Variants in KIFAP3 observed in about 807,000 individuals in gnomAD.
KIFAP3 encodes the protein kinesin-associated protein 3.
In KIFAP3, 68 loss-of-function variants were observed where a neutral mutation model predicts 106.5. The ratio of observed to expected loss-of-function variants is 0.64; its 90% confidence interval spans 0.53 to 0.78. The LOEUF is 0.78. KIFAP3 is among the 30% of genes least tolerant of loss of function. The pLI, the probability that KIFAP3 is intolerant of heterozygous loss-of-function variation, is 0.00. For synonymous variants in KIFAP3, 320 were observed against 311.5 expected (o/e 1.03, Z -0.29); for missense variants, 780 against 941.8 (o/e 0.83, Z 2.25).
intron 19 of KIFAP3, among the ~76,000 whole-genome samples, chr1:169,931,624 G>A (rs984163410): frequency 6.6e-6 from 1 of 152,158 alleles, no homozygotes; most frequent in South Asian, 2.1e-4. Context: ...CTTGCTGAGC[G>A]GCTTAAATAA....
At chr1:170,046,940 T>C in intron 2 of KIFAP3, 74 bp from the exon 3 acceptor site, 4 of 798,912 alleles carry the variant, frequency 5.0e-6, no homozygotes, top group South Asian at 3.9e-5. Flanking sequence ...TTTAAAATAA[T>C]TTATAGATTA....
chr1:170,044,899 T>C lies in KIFAP3; in HGVS notation c.319+1813A>G, dbSNP rs570288552. Among the ~76,000 whole-genome samples, 5 of 152,336 alleles carry C rather than the reference T, an allele frequency of 3.3e-5. No individual in the cohort carries two copies. In the South Asian group the frequency reaches 8.3e-4, roughly 25 times the overall value. ...TGAAGAGGAGTCAAGAAAACTTTTT[T>C]TTCTTTTGAGCTATTTATAGCTTAT... On this transcript the variant is annotated intron_variant, in intron 3 of 19. Coordinates refer to ENST00000361580, the MANE Select transcript of KIFAP3 (RefSeq NM_014970.4).
At chr1:169,998,147 T>C (rs906005799) in intron 10 of KIFAP3, among the ~76,000 whole-genome samples, 1 of 151,948 alleles carries the variant, frequency 6.6e-6, no homozygotes, top group African/African-American at 2.4e-5. Flanking sequence ...CAGAACTTAC[T>C]TTCACTCTTA....
intron 19 of KIFAP3, among the ~76,000 whole-genome samples, chr1:169,924,803 T>G (rs186034987): frequency 2.0e-5 from 3 of 152,198 alleles, no homozygotes; most frequent in South Asian, 2.1e-4. Context: ...CAGAAGCAGA[T>G]AGATTCTTCA....
chr1:169,945,332 A>G (rs1571537768), intron 19 of KIFAP3, among the ~76,000 whole-genome samples: 1 of 152,144 alleles, frequency 6.6e-6, no homozygotes, highest in Admixed American at 6.5e-5. Context: ...CAGGCCCCCA[A>G]GAGCACAGGG....
chr1:169,941,705 G>A (rs1465052090), intron 19 of KIFAP3, among the ~76,000 whole-genome samples: 2 of 152,014 alleles, frequency 1.3e-5, no homozygotes, highest in Non-Finnish European at 1.5e-5. Context: ...GGCCCCCTGA[G>A]GGTGAATTTC....
At chr1:169,923,991 C>CTT (rs11455002) in intron 19 of KIFAP3, among the ~76,000 whole-genome samples, 222 of 151,700 alleles carry the variant, frequency 1.5e-3, no homozygotes, top group African/African-American at 4.7e-3. Context: ...AATTCTCCCC[C>CTT]TTTTTTTTAT....
chr1:169,980,309 G>C (rs1003749392), intron 15 of KIFAP3, among the ~76,000 whole-genome samples: 1 of 152,092 alleles, frequency 6.6e-6, no homozygotes, highest in African/African-American at 2.4e-5. Flanking sequence ...CCTAGTACAA[G>C]ATGAACTGAG....
At chr1:170,051,772 A>C (rs1670587941) in intron 2 of KIFAP3, among the ~76,000 whole-genome samples, 1 of 152,228 alleles carries the variant, frequency 6.6e-6, no homozygotes, top group African/African-American at 2.4e-5. Context: ...TTAAGGCAGA[A>C]GTAAAGAAGT....
intron 19 of KIFAP3, among the ~76,000 whole-genome samples, chr1:169,926,694 C>G (rs1184614289): frequency 1.3e-5 from 2 of 151,932 alleles, no homozygotes; most frequent in African/African-American, 4.8e-5. Context: ...CACACACACA[C>G]ACACACACAC....
chr1:169,978,842 CA>C (rs1341956562), intron 15 of KIFAP3, among the ~76,000 whole-genome samples: 1 of 152,024 alleles, frequency 6.6e-6, no homozygotes, highest in Non-Finnish European at 1.5e-5. Context: ...AACAGAGTAT[CA>C]AACCAGTTGT....
At chr1:169,961,697 C>G (rs190632953) in intron 17 of KIFAP3, among the ~76,000 whole-genome samples, 1 of 152,066 alleles carries the variant, frequency 6.6e-6, no homozygotes, top group Non-Finnish European at 1.5e-5. Context: ...TCAGCCTACT[C>G]AATGTGAAGA....
intron 10 of KIFAP3, among the ~76,000 whole-genome samples, chr1:170,003,631 T>C (rs1378559034): frequency 6.6e-6 from 1 of 152,098 alleles, no homozygotes; most frequent in Non-Finnish European, 1.5e-5. Context: ...CCCCCAGAGG[T>C]GGAGCCTACA....
At chr1:169,950,706 C>T (rs551074478) in intron 19 of KIFAP3, among the ~76,000 whole-genome samples, 1 of 152,100 alleles carries the variant, frequency 6.6e-6, no homozygotes, top group East Asian at 1.9e-4. Flanking sequence ...AATTAACTTG[C>T]ATTTCTTGAA....
chr1:169,928,995 G>A (rs1189937360), intron 19 of KIFAP3, among the ~76,000 whole-genome samples: 1 of 152,064 alleles, frequency 6.6e-6, no homozygotes, highest in Admixed American at 6.6e-5. Context: ...GAAGAGATGT[G>A]CAGGTTGAAC....
At chr1:170,060,923 T>A (rs1323542192) in intron 1 of KIFAP3, among the ~76,000 whole-genome samples, 1 of 152,216 alleles carries the variant, frequency 6.6e-6, no homozygotes, top group Non-Finnish European at 1.5e-5. Flanking sequence ...GGATTCCCTA[T>A]TTAATAAATG....
chr1:169,965,621 T>C (rs1269605342), intron 17 of KIFAP3, among the ~76,000 whole-genome samples: 1 of 152,052 alleles, frequency 6.6e-6, no homozygotes, highest in Non-Finnish European at 1.5e-5. Flanking sequence ...TCACACCCTC[T>C]TTTAAGATTA....
intron 19 of KIFAP3, among the ~76,000 whole-genome samples, chr1:169,946,234 C>A (rs1664431919): frequency 8.6e-6 from 1 of 116,548 alleles, no homozygotes; most frequent in Non-Finnish European, 1.7e-5. Flanking sequence ...TGGATTTAAT[C>A]TGTAGAGAAT....
intron 19 of KIFAP3, among the ~76,000 whole-genome samples, chr1:169,953,595 A>G (rs1664843017): frequency 6.6e-6 from 1 of 151,980 alleles, no homozygotes; most frequent in South Asian, 2.1e-4. Context: ...GCTCACTGTA[A>G]GCTCCGCCTC....
Sources: allele counts gnomAD v4.1 joint callset (sites outside exome capture counted in the v4.1 genomes callset), GRCh38; gene constraint gnomAD v4.1.1; transcripts MANE v1.5; gene names NCBI Gene and HGNC (gene_info 2026-07-23, HGNC 2026-07-21).